Variants in PLXNA4 observed in about 807,000 individuals in gnomAD.
PLXNA4 encodes the protein plexin A4, also known as plexin-A4.
Under a neutral mutation model 191.8 loss-of-function variants are expected in PLXNA4, and 44 were observed. The ratio of observed to expected loss-of-function variants is 0.23; its 90% CI spans 0.18 to 0.29. The LOEUF (loss-of-function observed/expected upper bound fraction) is 0.29, where lower values mean the gene tolerates loss of function less well. PLXNA4 is among the 10% of genes least tolerant of loss of function. The probability of loss-of-function intolerance (pLI) is 1.00; values close to 1 mark genes in which losing one functional copy is unlikely to be tolerated. For missense variants in PLXNA4, 1,800 were observed against 2,488.8 expected, an observed-to-expected ratio of 0.72 and a Z score of 5.89; for synonymous variants, 1,082 against 1,009.5, an observed-to-expected ratio of 1.07 and a Z score of -1.36.
intron 13 of PLXNA4, among the ~76,000 whole-genome samples, chr7:132,196,051 A>G (rs1390320069): frequency 6.6e-6 from 1 of 152,282 alleles, no homozygotes; most frequent in Non-Finnish European, 1.5e-5. Context: ...ACATAAAAGC[A>G]CTTGTCATAC....
chr7:132,557,612 G>A (rs997612765), intron 1 of PLXNA4, among the ~76,000 whole-genome samples: 2 of 151,614 alleles, frequency 1.3e-5, no homozygotes, highest in Non-Finnish European at 2.9e-5. Context: ...ACAACAGGAA[G>A]TCAGCCAAGT....
rs143789357 is a variant in PLXNA4 at position 132,566,594 on chromosome 7, C to T, written c.-87+9828G>A. Among the ~76,000 whole-genome samples, 160 of 152,076 alleles carry T rather than the reference C, an allele frequency of 1.1e-3. 2 individuals are homozygous for T. The highest frequency in any genetic ancestry group is 3.6e-3 in the African/African-American group (149 of 41,466). On this transcript the variant is annotated intron_variant, in intron 1 of 31. Coordinates refer to ENST00000321063, the MANE Select transcript of PLXNA4 (RefSeq NM_020911.2). Reference sequence around the variant, plus strand: ...TTATCTTTGTCAGTTATATTGAAGCCTCTTATTCAAGCAGTTGGAGAAAAA... The same window carrying T: ...TTATCTTTGTCAGTTATATTGAAGCTTCTTATTCAAGCAGTTGGAGAAAAA...
chr7:132,546,415 GCA>G (rs2116538416), intron 1 of PLXNA4, among the ~76,000 whole-genome samples: 1 of 152,308 alleles, frequency 6.6e-6, no homozygotes, highest in African/African-American at 2.4e-5. Flanking sequence ...AAATCCCAAT[GCA>G]CCAGTAAAAT....
chr7:132,160,103 ACT>A (rs1795903953), intron 24 of PLXNA4, among the ~76,000 whole-genome samples: 1 of 151,676 alleles, frequency 6.6e-6, no homozygotes, highest in Non-Finnish European at 1.5e-5. Context: ...CCTTCTTGTC[ACT>A]CCTTCTTGGA....
At chr7:132,177,592 C>CT (rs940409212) in intron 20 of PLXNA4, among the ~76,000 whole-genome samples, 11 of 152,332 alleles carry the variant, frequency 7.2e-5, no homozygotes, top group African/African-American at 2.2e-4. Flanking sequence ...CTCCCATCGG[C>CT]TGCTCCCTCC....
chr7:132,611,340 A>G (rs1803042549), intron 2 of PLXNA4, among the ~76,000 whole-genome samples: 2 of 152,162 alleles, frequency 1.3e-5, no homozygotes, highest in East Asian at 3.9e-4. Flanking sequence ...CTCCCCCTCA[A>G]AGTAACAGCT....
chr7:132,418,664 T>A (rs1334655767), intron 3 of PLXNA4, among the ~76,000 whole-genome samples: 1 of 152,194 alleles, frequency 6.6e-6, no homozygotes, highest in Non-Finnish European at 1.5e-5. Context: ...ATTCCATCTC[T>A]AAGACCAAGG....
chr7:132,614,454 G>A (rs916482791), intron 2 of PLXNA4, among the ~76,000 whole-genome samples: 7 of 152,228 alleles, frequency 4.6e-5, no homozygotes, highest in Admixed American at 1.3e-4. Flanking sequence ...AGCAGACAGC[G>A]GGTGAACTTG....
chr7:132,449,173 G>A (rs1796025257), intron 3 of PLXNA4, among the ~76,000 whole-genome samples: 1 of 152,124 alleles, frequency 6.6e-6, no homozygotes, highest in South Asian at 2.1e-4. Context: ...AAGTTATCTT[G>A]AGCTCACACC....
chr7:132,613,884 G>A (rs1803102103), intron 2 of PLXNA4, among the ~76,000 whole-genome samples: 1 of 152,226 alleles, frequency 6.6e-6, no homozygotes, highest in Admixed American at 6.5e-5. Flanking sequence ...CCACAGTTCT[G>A]AAGGTGGGCA....
intron 3 of PLXNA4, among the ~76,000 whole-genome samples, chr7:132,465,116 TCCCCAGACCTCACC>T (rs541585493): frequency 6.6e-6 from 1 of 152,096 alleles, no homozygotes; most frequent in East Asian, 1.9e-4. Flanking sequence ...CATCCCCCAC[TCCCCAGACCTCACC>T]CCAACAACTG....
At chr7:132,421,374 C>A (rs770387552) in intron 3 of PLXNA4, among the ~76,000 whole-genome samples, 1 of 152,170 alleles carries the variant, frequency 6.6e-6, no homozygotes, top group African/African-American at 2.4e-5. Flanking sequence ...ACATTGACAA[C>A]AAACTCTCTT....
intron 2 of PLXNA4, among the ~76,000 whole-genome samples, chr7:132,491,947 G>A (rs1273461301): frequency 6.6e-6 from 1 of 152,154 alleles, no homozygotes; most frequent in East Asian, 1.9e-4. Context: ...TATGACCATG[G>A]CAACCTGCCA....
chr7:132,211,838 T>C (rs1374201334), intron 9 of PLXNA4, among the ~76,000 whole-genome samples: 2 of 152,158 alleles, frequency 1.3e-5, no homozygotes, highest in Non-Finnish European at 2.9e-5. Flanking sequence ...GGAGCCCAGA[T>C]GGCCTTTGGG....
chr7:132,621,357 T>C (rs1803262969), intron 2 of PLXNA4, among the ~76,000 whole-genome samples: 1 of 150,912 alleles, frequency 6.6e-6, no homozygotes, highest in Non-Finnish European at 1.5e-5. Flanking sequence ...GCCTCCTTGG[T>C]TCAAGCGATT....
chr7:132,520,171 T>C (rs1376005675), intron 1 of PLXNA4, among the ~76,000 whole-genome samples: 1 of 152,244 alleles, frequency 6.6e-6, no homozygotes, highest in Non-Finnish European at 1.5e-5. Context: ...TTTAGCTGCC[T>C]GAATCTAGAT....
Position 132,159,458 on chromosome 7 carries a change from G to T in PLXNA4, c.4660+15C>A, listed in dbSNP as rs765805570. On this transcript the variant is annotated intron_variant, in intron 25 of 31. Transcript: ENST00000321063. ...GCAGCCACAAGGACAGCCCCTGGGT[G>T]GACAGCCTACTCACCCAGATCCATA... is the stretch of plus-strand genomic sequence containing the variant. The T allele has an allele frequency of 1.9e-6, 3 of 1,613,396 alleles. No individual in the cohort carries two copies. Among genetic ancestry groups the T allele is most frequent in the Non-Finnish European group, 2.5e-6 (3 of 1,179,670 alleles).
Position 132,407,634 on chromosome 7 carries a change from T to C in PLXNA4, c.1371+81658A>G, listed in dbSNP as rs76090217. On this transcript the variant is annotated intron_variant, in intron 3 of 31. Transcript: ENST00000321063. Reference sequence around the variant, plus strand: ...ATTTTTATTCCTGGGACTACGTCAATACATCTCTCCTGGTGTGGAGGGTGG... The same window carrying C: ...ATTTTTATTCCTGGGACTACGTCAACACATCTCTCCTGGTGTGGAGGGTGG... Among the ~76,000 whole-genome samples, 687 of 152,318 alleles carry C rather than the reference T, an allele frequency of 4.5e-3. 3 individuals are homozygous for C. The highest frequency in any genetic ancestry group is 0.027 in the Middle Eastern group (8 of 294).
intron 25 of PLXNA4, among the ~76,000 whole-genome samples, chr7:132,153,903 C>G: frequency 6.6e-6 from 1 of 152,136 alleles, no homozygotes; most frequent in South Asian, 2.1e-4. Context: ...AACCCCACTT[C>G]CAGTCTTCCT....
Sources: gnomAD v4.1 joint callset for allele counts (sites outside exome capture counted in the v4.1 genomes callset) on GRCh38, gnomAD v4.1.1 for gene constraint, MANE v1.5 for transcripts, NCBI Gene and HGNC (gene_info 2026-07-23, HGNC 2026-07-21) for gene names.